The following DACH2 variants were observed in gnomAD, a reference collection of about 807,000 sequenced individuals.
The protein encoded by DACH2 is dachshund family transcription factor 2.
A neutral mutation model predicts 35.8 loss-of-function variants in DACH2; 17 were observed. That is an observed-to-expected ratio of 0.48 (90% CI 0.33 to 0.71). The LOEUF is 0.71. DACH2 is among the 30% of genes least tolerant of loss of function. DACH2 has a pLI of 0.02. For synonymous variants in DACH2, 195 were observed against 177.3 expected, an observed-to-expected ratio of 1.10 and a Z score of -0.79; for missense variants, 469 against 472.7, an observed-to-expected ratio of 0.99 and a Z score of 0.07.
At chrX:86,187,897 G>T (rs772509926) in intron 1 of DACH2, among the ~76,000 whole-genome samples, 2 of 112,011 alleles carry the variant, frequency 1.8e-5, no homozygotes, top group South Asian at 7.3e-4. Context: ...GATATAAAAA[G>T]ACATAGGATA....
In DACH2 at chrX:86,213,285, A is replaced by G. The variant is rs150788211; in HGVS notation, c.488+64177A>G. ...ATATTTAATGAACGTATCAGAATTT[A>G]TTTATCCAAACAAGTTATTTAGATA... On this transcript the variant is annotated intron_variant, in intron 1 of 11. Transcript: ENST00000373125. Among the ~76,000 whole-genome samples the G allele has an allele frequency of 2.7e-3, 303 of 111,655 alleles. 5 individuals carry two copies. Among genetic ancestry groups the G allele is most frequent in the African/African-American group, 9.5e-3 (292 of 30,888 alleles).
chrX:86,610,397 CTTTCTTTCTTTCTTTCTTTCT>C lies in DACH2; in HGVS notation c.641-40615_641-40595del, dbSNP rs1225712859. Among the ~76,000 whole-genome samples, 708 of 82,159 alleles carry C rather than the reference CTTTCTTTCTTTCTTTCTTTCT, an allele frequency of 8.6e-3. 8 individuals are homozygous for C. Among genetic ancestry groups the C allele is most frequent in the African/African-American group, 0.036 (655 of 18,245 alleles). 71.3% of individuals were successfully genotyped at this position (82,159 alleles called of 115,157 possible). ...TCTTTCTTTCTTTCTTTCTTTCTTTCTTTCTTTCTTTCTTTCTTTCTTTTCTTTCTTTCTTTCTTTCTTTCT... is the reference window on the plus strand; with the variant it reads ...TCTTTCTTTCTTTCTTTCTTTCTTTCTTTCTTTCTTTCTTTCTTTCTTTCT... On this transcript the variant is annotated intron_variant, in intron 3 of 11. Transcript: ENST00000373125.
chrX:86,690,311 C>G (rs994986454), intron 4 of DACH2, among the ~76,000 whole-genome samples: 2 of 111,740 alleles, frequency 1.8e-5, no homozygotes, highest in Non-Finnish European at 3.8e-5. Flanking sequence ...TTTTCACAAA[C>G]CTGACCATAA....
At chrX:86,663,733 A>G (rs1012050123) in intron 4 of DACH2, among the ~76,000 whole-genome samples, 1 of 112,069 alleles carries the variant, frequency 8.9e-6, no homozygotes, top group Non-Finnish European at 1.9e-5. Context: ...TTCCTTCACA[A>G]GGATCATTCT....
chrX:86,709,728 C>A (rs1441624439), intron 5 of DACH2, among the ~76,000 whole-genome samples: 1 of 111,595 alleles, frequency 9.0e-6, no homozygotes, highest in Non-Finnish European at 1.9e-5. Flanking sequence ...AAAAAGTGGA[C>A]AAAAGTCGTA....
At chrX:86,320,854 C>T (rs1011639966) in intron 1 of DACH2, among the ~76,000 whole-genome samples, 7 of 112,082 alleles carry the variant, frequency 6.2e-5, no homozygotes, top group African/African-American at 2.3e-4. Flanking sequence ...GGAAAGCTTG[C>T]TTTAGCTGGT....
intron 2 of DACH2, among the ~76,000 whole-genome samples, chrX:86,431,895 G>A (rs1183591948): frequency 2.7e-5 from 3 of 111,335 alleles, no homozygotes; most frequent in African/African-American, 9.8e-5. Flanking sequence ...TATATTTATG[G>A]TATATATTCT....
intron 3 of DACH2, among the ~76,000 whole-genome samples, chrX:86,526,209 A>C (rs1460623524): frequency 8.9e-6 from 1 of 111,754 alleles, no homozygotes; most frequent in African/African-American, 3.2e-5. Context: ...CAATCATCCA[A>C]GGGATTCTGC....
At chrX:86,671,603 T>A (rs2040765639) in intron 4 of DACH2, among the ~76,000 whole-genome samples, 1 of 111,931 alleles carries the variant, frequency 8.9e-6, no homozygotes, top group Non-Finnish European at 1.9e-5. Context: ...CCCCTTTGCC[T>A]TCCGCCATGA....
At chrX:86,676,350 C>T (rs1320361885) in intron 4 of DACH2, among the ~76,000 whole-genome samples, 2 of 111,872 alleles carry the variant, frequency 1.8e-5, no homozygotes, top group African/African-American at 6.5e-5. Flanking sequence ...TAGCACTCCA[C>T]CTGAGAAAAT....
intron 2 of DACH2, among the ~76,000 whole-genome samples, chrX:86,415,139 C>G (rs1350058312): frequency 8.9e-6 from 1 of 111,866 alleles, no homozygotes; most frequent in Non-Finnish European, 1.9e-5. Context: ...AGATTTATTA[C>G]CAATATGTCC....
At chrX:86,367,385 C>G (rs926348048) in intron 1 of DACH2, among the ~76,000 whole-genome samples, 20 of 111,504 alleles carry the variant, frequency 1.8e-4, no homozygotes, top group African/African-American at 6.2e-4. Context: ...GAGAATGCCC[C>G]TTAGCTGAAT....
intron 1 of DACH2, among the ~76,000 whole-genome samples, chrX:86,203,778 T>C (rs1023423448): frequency 8.9e-6 from 1 of 111,750 alleles, no homozygotes; most frequent in African/African-American, 3.3e-5. Flanking sequence ...CTTCAACAGA[T>C]AGCACTTGAG....
intron 2 of DACH2, among the ~76,000 whole-genome samples, chrX:86,384,387 G>A (rs1345250654): frequency 8.9e-6 from 1 of 111,827 alleles, no homozygotes; most frequent in Non-Finnish European, 1.9e-5. Flanking sequence ...GCAAGGCATT[G>A]TCCCTAAATT....
intron 2 of DACH2, among the ~76,000 whole-genome samples, chrX:86,380,373 C>T (rs140313611): frequency 0.045 from 4,980 of 109,771 alleles, 145 homozygotes; most frequent in East Asian, 0.2. Context: ...ATTTTATAAC[C>T]GGCCAAATGG....
chrX:86,212,175 G>C (rs1463237693), intron 1 of DACH2, among the ~76,000 whole-genome samples: 1 of 111,254 alleles, frequency 9.0e-6, no homozygotes. Context: ...AATTTTTGAA[G>C]AGCTAAAAGG....
chrX:86,517,230 G>A (rs2038482508), intron 3 of DACH2, among the ~76,000 whole-genome samples: 1 of 111,124 alleles, frequency 9.0e-6, no homozygotes, highest in African/African-American at 3.3e-5. Flanking sequence ...TGACTTTTTA[G>A]TAATAGCCAT....
At chrX:86,473,700 C>A (rs904938569) in intron 2 of DACH2, among the ~76,000 whole-genome samples, 7 of 111,425 alleles carry the variant, frequency 6.3e-5, no homozygotes, top group Admixed American at 2.9e-4. Context: ...AATGACAAAT[C>A]TCATTCTTTT....
intron 7 of DACH2, among the ~76,000 whole-genome samples, chrX:86,767,933 G>T (rs751541820): frequency 9.0e-6 from 1 of 110,994 alleles, no homozygotes; most frequent in Admixed American, 9.6e-5. Flanking sequence ...TTGTTTGTTT[G>T]TTGTTTGTTT....
Sources: allele counts gnomAD v4.1 joint callset (sites outside exome capture counted in the v4.1 genomes callset), GRCh38; gene constraint gnomAD v4.1.1; transcripts MANE v1.5; gene names NCBI Gene and HGNC (gene_info 2026-07-23, HGNC 2026-07-21).